The following MYH15 variants were observed in gnomAD, a reference collection of about 807,000 sequenced individuals.
MYH15 encodes myosin heavy chain 15.
In MYH15, 227 loss-of-function variants were observed where a neutral mutation model predicts 240.5. The observed-to-expected ratio is 0.94, with a 90% CI of 0.85 to 1.05. MYH15 has a LOEUF of 1.05. MYH15 is among the 50% of genes least tolerant of loss of function. The pLI is 0.00. For synonymous variants in MYH15, 785 were observed against 796.7 expected, an observed-to-expected ratio of 0.99 and a Z score of 0.25; for missense variants, 2,217 against 2,247.5, an observed-to-expected ratio of 0.99 and a Z score of 0.27.
chr3:108,507,966 G>A (rs1326194405), intron 1 of MYH15, among the ~76,000 whole-genome samples: 1 of 152,084 alleles, frequency 6.6e-6, no homozygotes, highest in East Asian at 1.9e-4. Flanking sequence ...AAACTTGAAG[G>A]TCACCTGGCA....
rs575474838 is a variant in MYH15, at chr3:108,528,025, A to G, written c.-58+1238T>C. On this transcript the variant is annotated intron_variant, in intron 1 of 41. Coordinates refer to the MYH15 transcript ENST00000273353. ...GAGAAAAAGGTGGATGGGGAACTCA[A>G]CTTTTTGTAAGAACCCACTTCCTTA... Among the ~76,000 whole-genome samples, 14 of 152,306 alleles carry G rather than the reference A, an allele frequency of 9.2e-5. No individual in the cohort carries two copies. In the East Asian group the frequency reaches 2.7e-3, roughly 29 times the overall value.
chr3:108,495,911 T>G, intron 6 of MYH15, 39 bp from the exon 7 acceptor site: 1 of 1,485,964 alleles, frequency 6.7e-7, no homozygotes, highest in South Asian at 1.3e-5. Flanking sequence ...GATGAAACTA[T>G]TAGTAGAATT....
In MYH15 at chr3:108,501,762, C is replaced by A. The variant is rs1413875702; in HGVS notation, c.289G>T (p.Ala97Ser). ...CGCTTCAGGGTATGCAGCACGGATG[C>A]CTCATTGAGGTGAGTCAGCATTGCC... ...DMAMLTHLNEASVLHTLKRRY... is the reference protein window; with the variant it reads ...DMAMLTHLNESSVLHTLKRRY... Residue 97 changes from alanine to serine, a missense_variant, in exon 3 of 41, where the codon GCA (alanine) becomes TCA (serine). Transcript: ENST00000693548. 2 of 1,614,084 alleles carry A rather than the reference C, an allele frequency of 1.2e-6. No homozygotes were observed. The highest frequency in any genetic ancestry group is 3.3e-5 in the Admixed American group (2 of 60,014).
At chr3:108,541,392 A>G in the MYH15 span, among the ~76,000 whole-genome samples, 1 of 152,052 alleles carries the variant, frequency 6.6e-6, no homozygotes. Flanking sequence ...AATTGAAAAA[A>G]AATTTGCAAT....
At chr3:108,468,421 T>G (rs911987164) in intron 14 of MYH15, among the ~76,000 whole-genome samples, 5 of 152,238 alleles carry the variant, frequency 3.3e-5, no homozygotes, top group African/African-American at 1.2e-4. Context: ...ATTATGCATT[T>G]TATTTCAAGG....
chr3:108,469,033 G>A (rs1242636062), intron 14 of MYH15, among the ~76,000 whole-genome samples: 2 of 152,102 alleles, frequency 1.3e-5, no homozygotes, highest in Non-Finnish European at 2.9e-5. Context: ...TAATCAGCCT[G>A]TCTTTCCCCC....
In MYH15 at chr3:108,444,355, G is replaced by C. The variant is rs3996018; in HGVS notation, c.2655+285C>G. Reference sequence around the variant, plus strand: ...TTGCTAATGGGTCATGGGCTACATAGAAACTTTAAATTAAGACCCAGAGCT... The same window carrying C: ...TTGCTAATGGGTCATGGGCTACATACAAACTTTAAATTAAGACCCAGAGCT... On this transcript the variant is annotated intron_variant, in intron 22 of 40. Transcript: ENST00000693548. Among the ~76,000 whole-genome samples, 119,559 of 151,866 alleles carry C rather than the reference G, an allele frequency of 0.79. 47,323 individuals are homozygous for C. The highest frequency in any genetic ancestry group is 0.84 in the African/African-American group (34,991 of 41,414).
chr3:108,517,046 C>T (rs1397222375), intron 1 of MYH15, among the ~76,000 whole-genome samples: 2 of 152,158 alleles, frequency 1.3e-5, no homozygotes, highest in Non-Finnish European at 2.9e-5. Flanking sequence ...CCTACTCAAC[C>T]TCTCTGCAGC....
At position 108,460,374 on chromosome 3, in the gene MYH15, A is replaced by C. The variant is rs2083061706; in HGVS notation, c.1865-7T>G. Reference sequence around the variant, plus strand: ...TTCTCCCCAAATGGTATAGCTAGCAAAAAAAAAAAAAGAAAAAGATGAAAA... The same window carrying C: ...TTCTCCCCAAATGGTATAGCTAGCACAAAAAAAAAAAGAAAAAGATGAAAA... On this transcript the variant is annotated splice_polypyrimidine_tract_variant and splice_region_variant and intron_variant, in intron 16 of 40. Transcript: ENST00000693548. 4.0e-6 allele frequency: 2 copies of C among 501,920 alleles called. No homozygotes were observed. The highest frequency in any genetic ancestry group is 1.9e-4 in the East Asian group (1 of 5,178). The allele number at this position is 501,920 out of a possible 1,614,324, so 31.1% of individuals were successfully genotyped here. A position where few individuals can be genotyped will look rare whatever the true frequency, so the allele number is the denominator to read the frequency against.
Position 108,478,292 on chromosome 3 carries a change from A to T in MYH15, c.1115-1777T>A, listed in dbSNP as rs962671596. On this transcript the variant is annotated intron_variant, in intron 11 of 40. Transcript: ENST00000693548. The stretch of plus-strand genomic sequence containing the variant: ...AAACTAAAATCAATATATATAATAC[A>T]TACATTGCTACAAGTTACATACCTA... Among the ~76,000 whole-genome samples, 3 of 152,326 alleles carry T rather than the reference A, an allele frequency of 2.0e-5. No homozygotes were observed. The South Asian group carries it at 6.2e-4, about 32-fold the overall frequency.
At chr3:108,405,057 A>G in intron 33 of MYH15, 1 of 186,746 alleles carries the variant, frequency 5.4e-6, no homozygotes, top group Non-Finnish European at 1.1e-5. Context: ...CACTATTGAT[A>G]TAAAGGAATA....
intron 11 of MYH15, among the ~76,000 whole-genome samples, chr3:108,482,705 C>G (rs1297694525): frequency 6.6e-6 from 1 of 152,204 alleles, no homozygotes; most frequent in Non-Finnish European, 1.5e-5. Context: ...ACCACCCTAT[C>G]TACAACAACC....
intron 32 of MYH15, among the ~76,000 whole-genome samples, chr3:108,406,958 T>C (rs2082551315): frequency 6.6e-6 from 1 of 152,204 alleles, no homozygotes; most frequent in Non-Finnish European, 1.5e-5. Context: ...CTTCTTTCAG[T>C]TAAGGTGGTG....
chr3:108,412,699 A>G (rs2107549349), intron 30 of MYH15, among the ~76,000 whole-genome samples: 1 of 152,348 alleles, frequency 6.6e-6, no homozygotes, highest in African/African-American at 2.4e-5. Flanking sequence ...AAATTAAGAA[A>G]CTAAATCCTT....
chr3:108,465,015 T>C (rs2083102974), intron 14 of MYH15, among the ~76,000 whole-genome samples: 1 of 152,230 alleles, frequency 6.6e-6, no homozygotes, highest in Non-Finnish European at 1.5e-5. Context: ...CGCTGGTGAT[T>C]GATGCAGCTG....
chr3:108,470,269 T>G, intron 13 of MYH15, 57 bp from the exon 14 acceptor site: 1 of 1,274,214 alleles, frequency 7.8e-7, no homozygotes. Flanking sequence ...AGGTCCACTT[T>G]CAAGAATGTC....
chr3:108,434,340 GC>G (rs1478576821), intron 25 of MYH15, among the ~76,000 whole-genome samples: 15 of 151,396 alleles, frequency 9.9e-5, no homozygotes, highest in African/African-American at 3.6e-4. Context: ...GTGCCACCAA[GC>G]CTGACTAATT....
At chr3:108,486,314 A>G (rs1488124560) in intron 10 of MYH15, 109 bp downstream of exon 10, 3 of 781,012 alleles carry the variant, frequency 3.8e-6, no homozygotes, top group African/African-American at 1.7e-5. Flanking sequence ...CTACACCCCT[A>G]CGGAAGCAAG....
rs756757735 is a variant in MYH15, at chr3:108,492,572, T to A, written c.799A>T (p.Ile267Phe). 24 of 1,613,308 alleles carry A rather than the reference T, an allele frequency of 1.5e-5. No homozygotes were observed. Among genetic ancestry groups the A allele is most frequent in the Non-Finnish European group, 1.9e-5 (23 of 1,179,486 alleles). The change falls in exon 9 of 41, where the codon ATT becomes TTT. Residue 267 changes from isoleucine to phenylalanine, a missense_variant. Physicochemically the swap from Ile to Phe is conservative, Grantham distance 21. Coordinates refer to ENST00000693548, the MANE Select transcript of MYH15 (RefSeq NM_014981.3). ...TTCCTCTCTCCAGCCTGCTGGAAAATCACCCTGGACTTTTCAAGCAAATCT... is the reference window on the plus strand; with the variant it reads ...TTCCTCTCTCCAGCCTGCTGGAAAAACACCCTGGACTTTTCAAGCAAATCT... ...DIYLLEKSRVIFQQAGERNYH... is the reference protein window; with the variant it reads ...DIYLLEKSRVFFQQAGERNYH...
Sources: allele counts gnomAD v4.1 joint callset (sites outside exome capture counted in the v4.1 genomes callset), GRCh38; gene constraint gnomAD v4.1.1; transcripts MANE v1.5; gene names NCBI Gene and HGNC (gene_info 2026-07-23, HGNC 2026-07-21).